The following UMAD1 variants were observed in gnomAD, a reference collection of about 807,000 sequenced individuals.
UMAD1 encodes the protein UBAP1-MVB12-associated (UMA) domain containing 1.
UMAD1 carries 8 observed loss-of-function variants against 6.1 expected under a neutral mutation model. That is an observed-to-expected ratio of 1.30 (90% CI 0.76 to 2.35). The LOEUF (loss-of-function observed/expected upper bound fraction) is 2.35, where lower values mean the gene tolerates loss of function less well. Ranked by LOEUF, UMAD1 falls within the 30% of genes most tolerant of loss-of-function variation. The pLI is 0.00. For synonymous variants in UMAD1, 56 were observed against 31.4 expected (o/e 1.78, Z -2.61); for missense variants, 130 against 78.4 (o/e 1.66, Z -2.49).
chr7:7,737,144 C>A (rs995511615), intron 2 of UMAD1, among the ~76,000 whole-genome samples: 2 of 152,180 alleles, frequency 1.3e-5, no homozygotes, highest in Non-Finnish European at 2.9e-5. Context: ...TATATAATTT[C>A]TGTATATTAA....
intron 2 of UMAD1, among the ~76,000 whole-genome samples, chr7:7,710,781 T>A (rs1190368233): frequency 6.6e-6 from 1 of 152,212 alleles, no homozygotes. Context: ...CCAAACTGGA[T>A]ACACACCAAA....
chr7:7,811,882 G>A (rs1190453853), intron 3 of UMAD1, among the ~76,000 whole-genome samples: 1 of 60,182 alleles, frequency 1.7e-5, no homozygotes, highest in Non-Finnish European at 3.2e-5. Context: ...CACTGGTAGA[G>A]AACAATTAAA....
chr7:7,782,196 G>A (rs1782358636), intron 2 of UMAD1, among the ~76,000 whole-genome samples: 1 of 151,216 alleles, frequency 6.6e-6, no homozygotes. Flanking sequence ...CAATAGCTTG[G>A]GAATAATTTT....
chr7:7,839,232 T>C (rs954481783), intron 3 of UMAD1, among the ~76,000 whole-genome samples: 1 of 152,164 alleles, frequency 6.6e-6, no homozygotes, highest in Non-Finnish European at 1.5e-5. Context: ...TTTTTGAGAC[T>C]GGGTCTTGCT....
chr7:7,806,399 T>G (rs1782914709), intron 3 of UMAD1, among the ~76,000 whole-genome samples: 1 of 152,212 alleles, frequency 6.6e-6, no homozygotes, highest in African/African-American at 2.4e-5. Context: ...GCTTAGATTG[T>G]CTTTTATGAG....
At chr7:7,698,373 T>A (rs1052042009) in intron 2 of UMAD1, among the ~76,000 whole-genome samples, 6 of 152,214 alleles carry the variant, frequency 3.9e-5, no homozygotes, top group Admixed American at 1.3e-4. Context: ...ATCTCTGCCA[T>A]CAATTTCAAC....
chr7:7,748,103 ATT>A (rs35368211), intron 2 of UMAD1, among the ~76,000 whole-genome samples: 55 of 140,150 alleles, frequency 3.9e-4, no homozygotes, highest in Non-Finnish European at 4.4e-4. Flanking sequence ...CGCCCAGCTA[ATT>A]TTTTTTTTTT....
At chr7:7,790,554 G>A (rs545879897) in intron 2 of UMAD1, among the ~76,000 whole-genome samples, 6 of 152,196 alleles carry the variant, frequency 3.9e-5, no homozygotes, top group Non-Finnish European at 7.3e-5. Context: ...TGCTGTGTCT[G>A]CTTCTGATCA....
At chr7:7,667,341 T>G (rs917912292) in intron 1 of UMAD1, among the ~76,000 whole-genome samples, 1 of 152,214 alleles carries the variant, frequency 6.6e-6, no homozygotes, top group Non-Finnish European at 1.5e-5. Context: ...ACTGGAGTAT[T>G]CTTGGGAACT....
intron 3 of UMAD1, among the ~76,000 whole-genome samples, chr7:7,873,654 G>T (rs889217269): frequency 6.6e-6 from 1 of 152,102 alleles, no homozygotes; most frequent in East Asian, 1.9e-4. Context: ...CTAATTCGAG[G>T]TCATCCACTA....
At chr7:7,834,611 T>C in intron 3 of UMAD1, among the ~76,000 whole-genome samples, 1 of 152,086 alleles carries the variant, frequency 6.6e-6, no homozygotes, top group East Asian at 1.9e-4. Flanking sequence ...TCTTGCTGTG[T>C]CTTCACAGGC....
chr7:7,793,037 G>A (rs1782600077), intron 2 of UMAD1, among the ~76,000 whole-genome samples: 1 of 152,060 alleles, frequency 6.6e-6, no homozygotes, highest in Non-Finnish European at 1.5e-5. Context: ...CAGGGATCGG[G>A]GAGGACACAC....
chr7:7,728,472 C>T (rs1164964569), intron 2 of UMAD1, among the ~76,000 whole-genome samples: 5 of 151,992 alleles, frequency 3.3e-5, no homozygotes, highest in South Asian at 2.1e-4. Flanking sequence ...GGTGAAACCC[C>T]GTCTCTGCTA....
At chr7:7,722,922 A>G (rs917001884) in intron 2 of UMAD1, among the ~76,000 whole-genome samples, 5 of 152,180 alleles carry the variant, frequency 3.3e-5, no homozygotes, top group African/African-American at 1.2e-4. Context: ...GCCAGAAGAA[A>G]CAGCTTCTCC....
At chr7:7,779,419 C>A (rs933851097) in intron 2 of UMAD1, among the ~76,000 whole-genome samples, 3 of 152,058 alleles carry the variant, frequency 2.0e-5, no homozygotes, top group African/African-American at 7.2e-5. Context: ...GTGTTCATCA[C>A]CACATCCAGC....
At chr7:7,679,503 TTA>T (rs1167072673) in intron 2 of UMAD1, among the ~76,000 whole-genome samples, 1 of 6,772 alleles carries the variant, frequency 1.5e-4, no homozygotes, top group Non-Finnish European at 2.0e-4. Flanking sequence ...AAATATATAT[TTA>T]TATATTTAAT....
chr7:7,644,209 T>C (rs1785042264), intron 1 of UMAD1, among the ~76,000 whole-genome samples: 1 of 152,230 alleles, frequency 6.6e-6, no homozygotes, highest in Non-Finnish European at 1.5e-5. Context: ...TTTCAGATTT[T>C]TATTGGTTAT....
chr7:7,877,449 G>C lies in UMAD1; in HGVS notation c.325G>C (p.Asp109His), dbSNP rs1246325704. ...ACAGGGCACCATCACTGACCTTCCC[G>C]ACCACTTACTCTCCTATGATGGCAG... Reference protein sequence around the residue: ...AVQGTITDLPDHLLSYDGSEN... With the variant: ...AVQGTITDLPHHLLSYDGSEN... The change falls in exon 4 of 4, where the codon GAC becomes CAC. Residue 109 changes from aspartate (D) to histidine (H), a missense_variant. Coordinates refer to ENST00000682710, the MANE Select transcript of UMAD1 (RefSeq NM_001302348.2). 3 of 717,652 alleles carry C rather than the reference G, an allele frequency of 4.2e-6. No homozygotes were observed. The highest frequency in any genetic ancestry group is 2.3e-4 in the Middle Eastern group (1 of 4,374). The allele number at this position is 717,652 out of a possible 1,614,324, so 44.5% of individuals were successfully genotyped here. A position where few individuals can be genotyped will look rare whatever the true frequency, so the allele number is the denominator to read the frequency against.
chr7:7,820,712 T>G (rs1783225771), intron 3 of UMAD1, among the ~76,000 whole-genome samples: 1 of 152,200 alleles, frequency 6.6e-6, no homozygotes, highest in Non-Finnish European at 1.5e-5. Context: ...CATTTGCTTT[T>G]AGTTATTCTT....
Sources: allele counts gnomAD v4.1 joint callset (sites outside exome capture counted in the v4.1 genomes callset), GRCh38; gene constraint gnomAD v4.1.1; transcripts MANE v1.5; gene names NCBI Gene and HGNC (gene_info 2026-07-23, HGNC 2026-07-21).